TECRL: variants seen among roughly 807,000 people sequenced by gnomAD.
TECRL encodes trans-2,3-enoyl-CoA reductase like, also known as trans-2,3-enoyl-CoA reductase-like.
TECRL carries 63 observed loss-of-function variants against 52.8 expected under a neutral mutation model. The ratio of observed to expected loss-of-function variants is 1.19; its 90% CI spans 0.97 to 1.47. The LOEUF is 1.47. Ranked by LOEUF, TECRL falls within the 40% of genes most tolerant of loss-of-function variation. The pLI is 0.00. For missense variants in TECRL, 482 were observed against 429.6 expected, an observed-to-expected ratio of 1.12 and a Z score of -1.08; for synonymous variants, 164 against 141.9, an observed-to-expected ratio of 1.16 and a Z score of -1.10.
chr4:64,293,365 C>A (rs930754076), intron 8 of TECRL, among the ~76,000 whole-genome samples: 1 of 151,922 alleles, frequency 6.6e-6, no homozygotes, highest in Non-Finnish European at 1.5e-5. Flanking sequence ...AAATTAATAA[C>A]CTACAAAGGA....
At chr4:64,318,458 T>G (rs1372141848) in intron 4 of TECRL, among the ~76,000 whole-genome samples, 1 of 151,942 alleles carries the variant, frequency 6.6e-6, no homozygotes, top group Non-Finnish European at 1.5e-5. Context: ...ATTATATGCA[T>G]GTGTGTGTGT....
chr4:64,397,858 C>T (rs1338251907), intron 1 of TECRL: 3 of 151,498 alleles, frequency 2.0e-5, no homozygotes, highest in African/African-American at 7.3e-5. Context: ...GACTTAAACA[C>T]AGGGTTGATA....
rs181449711 is a variant in TECRL, at chr4:64,387,677, G to A, written c.235-12454C>T. On this transcript the variant is annotated intron_variant, in intron 1 of 11. Transcript: ENST00000381210. ...AGAGTCTCTTTTTGTATATTTATTCGCCATTTGTATATCTTTTCTAGTGAA... is the reference window on the plus strand; with the variant it reads ...AGAGTCTCTTTTTGTATATTTATTCACCATTTGTATATCTTTTCTAGTGAA... 3.8e-4 allele frequency among the ~76,000 whole-genome samples: 58 copies of A among 151,752 alleles called. No individual in the cohort carries two copies. In the East Asian group the frequency reaches 6.0e-3, roughly 16 times the overall value.
At chr4:64,314,564 T>C in intron 5 of TECRL, 84 bp downstream of exon 5, 1 of 1,008,104 alleles carries the variant, frequency 9.9e-7, no homozygotes, top group East Asian at 2.4e-5. Flanking sequence ...ACCTGCTTAC[T>C]AGTTCATCCC....
chr4:64,354,793 T>C (rs1484900116), intron 2 of TECRL, among the ~76,000 whole-genome samples: 1 of 152,224 alleles, frequency 6.6e-6, no homozygotes, highest in African/African-American at 2.4e-5. Flanking sequence ...AATGTATGTC[T>C]ATGAGCTCTA....
intron 8 of TECRL, among the ~76,000 whole-genome samples, chr4:64,294,729 T>A (rs1723583889): frequency 6.6e-6 from 1 of 152,108 alleles, no homozygotes. Flanking sequence ...CTCAGTTTGT[T>A]TAGTTTCAGT....
intron 7 of TECRL, among the ~76,000 whole-genome samples, chr4:64,303,181 TAAG>T (rs1189646251): frequency 6.6e-6 from 1 of 151,338 alleles, no homozygotes; most frequent in East Asian, 1.9e-4. Context: ...TAGAAAGTGA[TAAG>T]AAATGAAAGG....
At chr4:64,406,603 C>G (rs1282032980) in intron 1 of TECRL, among the ~76,000 whole-genome samples, 1 of 151,830 alleles carries the variant, frequency 6.6e-6, no homozygotes, top group Non-Finnish European at 1.5e-5. Flanking sequence ...TATATTATCC[C>G]TACTCTACTA....
rs149994248 is a variant in TECRL at position 64,325,117 on chromosome 4, C to T, written c.332-2325G>A. ...CTGGCTTGAAGATGGAGAAGGTCAA[C>T]GTCAAGGATACAGGTGGCCTTTGAG... On this transcript the variant is annotated intron_variant, in intron 3 of 11. Coordinates refer to ENST00000381210, the MANE Select transcript of TECRL (RefSeq NM_001010874.5). Among the ~76,000 whole-genome samples, 19 of 152,200 alleles carry T rather than the reference C, an allele frequency of 1.2e-4. No homozygotes were observed. In the East Asian group the frequency reaches 3.5e-3, roughly 28 times the overall value.
intron 2 of TECRL, among the ~76,000 whole-genome samples, chr4:64,337,571 C>T (rs1364784665): frequency 6.6e-6 from 1 of 152,182 alleles, no homozygotes; most frequent in Non-Finnish European, 1.5e-5. Flanking sequence ...TAAGCAACTT[C>T]AGCAAAGTCT....
At chr4:64,347,111 T>C (rs1245238033) in intron 2 of TECRL, among the ~76,000 whole-genome samples, 1 of 152,162 alleles carries the variant, frequency 6.6e-6, no homozygotes, top group Non-Finnish European at 1.5e-5. Flanking sequence ...CAATCCTGAA[T>C]TGTGACATTC....
chr4:64,341,308 A>C (rs1363204310), intron 2 of TECRL, among the ~76,000 whole-genome samples: 4 of 152,154 alleles, frequency 2.6e-5, no homozygotes, highest in African/African-American at 9.7e-5. Flanking sequence ...TATAACAAAA[A>C]TGGAGCTAAA....
intron 2 of TECRL, among the ~76,000 whole-genome samples, chr4:64,364,475 A>G (rs1721452362): frequency 6.6e-6 from 1 of 152,044 alleles, no homozygotes; most frequent in Non-Finnish European, 1.5e-5. Context: ...CCAAAAGTTT[A>G]TTTTTTAAAA....
chr4:64,317,502 G>A (rs2110018395), intron 4 of TECRL, among the ~76,000 whole-genome samples: 1 of 152,136 alleles, frequency 6.6e-6, no homozygotes, highest in Admixed American at 6.5e-5. Context: ...GTATATTTCA[G>A]AATTGTTGAA....
intron 1 of TECRL, among the ~76,000 whole-genome samples, chr4:64,388,287 C>G (rs1322160926): frequency 8.8e-6 from 1 of 114,024 alleles, no homozygotes; most frequent in Non-Finnish European, 1.8e-5. Context: ...ACTATATTTT[C>G]TACATTATGT....
chr4:64,347,364 C>G (rs1181788607), intron 2 of TECRL, among the ~76,000 whole-genome samples: 1 of 152,174 alleles, frequency 6.6e-6, no homozygotes, highest in Non-Finnish European at 1.5e-5. Context: ...GCCCATGTGA[C>G]AACTTTATTC....
At chr4:64,322,439 G>C (rs1419634743) in intron 4 of TECRL, among the ~76,000 whole-genome samples, 2 of 133,438 alleles carry the variant, frequency 1.5e-5, no homozygotes, top group Non-Finnish European at 3.1e-5. Context: ...CCCAGTAATA[G>C]AGTGGGTTGA....
chr4:64,310,886 TTTTTTTGTA>T (rs1316730353), intron 5 of TECRL, among the ~76,000 whole-genome samples: 2 of 152,038 alleles, frequency 1.3e-5, no homozygotes, highest in African/African-American at 4.8e-5. Context: ...GCCCGGCTAA[TTTTTTTGTA>T]TTTTTTGTAG....
intron 2 of TECRL, among the ~76,000 whole-genome samples, chr4:64,339,740 C>T (rs945717829): frequency 6.6e-6 from 1 of 152,086 alleles, no homozygotes; most frequent in African/African-American, 2.4e-5. Flanking sequence ...TGCACTACCC[C>T]CAAACTAGAG....
Sources: gnomAD v4.1 joint callset for allele counts (sites outside exome capture counted in the v4.1 genomes callset) on GRCh38, gnomAD v4.1.1 for gene constraint, MANE v1.5 for transcripts, NCBI Gene and HGNC (gene_info 2026-07-23, HGNC 2026-07-21) for gene names.